SPMAP2L: variants seen among roughly 807,000 people sequenced by gnomAD.
SPMAP2L encodes the protein sperm microtubule associated protein 2-like.
the SPMAP2L span, among the ~76,000 whole-genome samples, chr4:56,606,338 T>C: frequency 6.6e-6 from 1 of 152,202 alleles, no homozygotes; most frequent in Non-Finnish European, 1.5e-5. Flanking sequence ...CTCCTCATTG[T>C]TTAAAGCTTT....
chr4:56,606,908 G>A, the SPMAP2L span, among the ~76,000 whole-genome samples: 16 of 152,260 alleles, frequency 1.1e-4, no homozygotes, highest in African/African-American at 2.9e-4. Flanking sequence ...TATTTAGTAC[G>A]TCATTTTAAA....
the SPMAP2L span, among the ~76,000 whole-genome samples, chr4:56,587,054 T>G: frequency 2.6e-5 from 4 of 152,192 alleles, no homozygotes; most frequent in African/African-American, 9.6e-5. Context: ...TGATTTTTCT[T>G]AGGCTTTTAA....
chr4:56,602,323 T>C, the SPMAP2L span, among the ~76,000 whole-genome samples: 1 of 152,174 alleles, frequency 6.6e-6, no homozygotes, highest in East Asian at 1.9e-4. Flanking sequence ...ATGACATGTT[T>C]AAAATGCTGT....
At chr4:56,579,055 C>G in the SPMAP2L span, among the ~76,000 whole-genome samples, 2 of 151,998 alleles carry the variant, frequency 1.3e-5, no homozygotes, top group East Asian at 3.9e-4. Flanking sequence ...GGTAGAATAA[C>G]AAGCAGAAGA....
chr4:56,603,603 C>A, the SPMAP2L span: 1 of 268,082 alleles, frequency 3.7e-6, no homozygotes, highest in African/African-American at 2.2e-5. Context: ...ATCTTGGCTG[C>A]CTCATTGCTG....
the SPMAP2L span, chr4:56,559,545 T>C: frequency 1.4e-6 from 2 of 1,466,480 alleles, no homozygotes; most frequent in Non-Finnish European, 1.8e-6. Flanking sequence ...GTTATCATGT[T>C]ACTTTATCAG....
chr4:56,593,509 A>G, the SPMAP2L span: 1 of 1,600,546 alleles, frequency 6.2e-7, no homozygotes. Flanking sequence ...AGCTCATCAG[A>G]GTGGGAGCCT....
the SPMAP2L span, among the ~76,000 whole-genome samples, chr4:56,586,827 C>A: frequency 3.9e-5 from 6 of 152,178 alleles, no homozygotes; most frequent in Non-Finnish European, 5.9e-5. Flanking sequence ...GTTGTAGTTA[C>A]AAGTCTGGCC....
At chr4:56,543,973 TGAGA>T in the SPMAP2L span, among the ~76,000 whole-genome samples, 3,346 of 127,126 alleles carry the variant, frequency 0.026, 64 homozygotes, top group South Asian at 0.073. Flanking sequence ...TGTGTGTATG[TGAGA>T]GAGAGAGAGA....
At chr4:56,617,571 A>T in the SPMAP2L span, among the ~76,000 whole-genome samples, 1 of 151,614 alleles carries the variant, frequency 6.6e-6, no homozygotes, top group Non-Finnish European at 1.5e-5. Context: ...TTGGGCTCTG[A>T]CCCCACGGCA....
At chr4:56,607,994 A>AG in the SPMAP2L span, among the ~76,000 whole-genome samples, 8 of 136,426 alleles carry the variant, frequency 5.9e-5, no homozygotes, top group African/African-American at 2.1e-4. Flanking sequence ...CCCTGTCTCA[A>AG]GAAAAAAAAA....
the SPMAP2L span, among the ~76,000 whole-genome samples, chr4:56,599,887 CAA>C: frequency 6.6e-6 from 1 of 151,888 alleles, no homozygotes; most frequent in Non-Finnish European, 1.5e-5. Flanking sequence ...TTTATGTGGC[CAA>C]CAAACATATG....
At chr4:56,554,339 C>T in the SPMAP2L span, among the ~76,000 whole-genome samples, 2 of 152,164 alleles carry the variant, frequency 1.3e-5, no homozygotes. Context: ...CCATCTTTGT[C>T]AGCATTTGGT....
the SPMAP2L span, among the ~76,000 whole-genome samples, chr4:56,536,576 ATTG>A: frequency 6.6e-6 from 1 of 152,180 alleles, no homozygotes; most frequent in Non-Finnish European, 1.5e-5. Context: ...TCAGGAATTA[ATTG>A]TTGTTGAATG....
At chr4:56,608,447 A>T in the SPMAP2L span, among the ~76,000 whole-genome samples, 1 of 152,008 alleles carries the variant, frequency 6.6e-6, no homozygotes, top group South Asian at 2.1e-4. Context: ...TGGAAGAATG[A>T]CCCCTAAGGT....
chr4:56,540,705 AG>A, the SPMAP2L span, among the ~76,000 whole-genome samples: 1 of 152,362 alleles, frequency 6.6e-6, no homozygotes, highest in African/African-American at 2.4e-5. Flanking sequence ...GTTCGTCCAA[AG>A]CCTGTGAACT....
At chr4:56,583,620 G>A in the SPMAP2L span, among the ~76,000 whole-genome samples, 1 of 152,096 alleles carries the variant, frequency 6.6e-6, no homozygotes, top group African/African-American at 2.4e-5. Context: ...GAAATATGTG[G>A]GGAGCAGCCT....
the SPMAP2L span, chr4:56,595,547 A>G: frequency 1.4e-6 from 2 of 1,455,694 alleles, no homozygotes; most frequent in Non-Finnish European, 1.9e-6. Context: ...GACCGGCCTT[A>G]TATTCCAGAG....
the SPMAP2L span, chr4:56,594,351 C>A: frequency 2.6e-6 from 4 of 1,526,320 alleles, no homozygotes; most frequent in Non-Finnish European, 3.6e-6. Flanking sequence ...CTGAACAGTT[C>A]GTCTGAACTC....
Sources: gnomAD v4.1 joint callset for allele counts (sites outside exome capture counted in the v4.1 genomes callset) on GRCh38, gnomAD v4.1.1 for gene constraint, MANE v1.5 for transcripts, NCBI Gene and HGNC (gene_info 2026-07-23, HGNC 2026-07-21) for gene names.